STAG2: variants seen among roughly 807,000 people sequenced by gnomAD.
STAG2 encodes STAG2 cohesin complex component, also known as cohesin subunit SA-2.
STAG2 carries 14 observed loss-of-function variants against 108.1 expected under a neutral mutation model. The ratio of observed to expected loss-of-function variants is 0.13; its 90% confidence interval spans 0.09 to 0.20. The LOEUF (loss-of-function observed/expected upper bound fraction) is 0.20. STAG2 is among the 10% of genes least tolerant of loss of function. The pLI, the probability that STAG2 is intolerant of heterozygous loss-of-function variation, is 1.00. For missense variants in STAG2, 440 were observed against 940.9 expected, an observed-to-expected ratio of 0.47 and a Z score of 6.96; for synonymous variants, 307 against 302.7, an observed-to-expected ratio of 1.01 and a Z score of -0.15.
chrX:123,987,410 G>A (rs1303685831), intron 1 of STAG2, among the ~76,000 whole-genome samples: 5 of 110,720 alleles, frequency 4.5e-5, no homozygotes, highest in Non-Finnish European at 7.6e-5. Flanking sequence ...CACCATGCCC[G>A]GCTAATTTTG....
intron 1 of STAG2, among the ~76,000 whole-genome samples, chrX:123,991,750 C>A (rs1173789045): frequency 1.8e-5 from 2 of 110,725 alleles, no homozygotes; most frequent in African/African-American, 6.6e-5. Context: ...CCGCAACCTC[C>A]GCCTCCCGGG....
chrX:124,028,716 A>G (rs1171517992), intron 4 of STAG2, among the ~76,000 whole-genome samples: 1 of 106,840 alleles, frequency 9.4e-6, no homozygotes, highest in East Asian at 2.9e-4. Flanking sequence ...GTGGAAAGAA[A>G]TTTGTAGGCA....
chrX:124,068,542 G>A, intron 23 of STAG2, 22 bp from the exon 24 acceptor site: 1 of 1,093,220 alleles, frequency 9.1e-7, no homozygotes, highest in Non-Finnish European at 1.2e-6. Context: ...TTTTTTAAAA[G>A]TTAATGTTAA....
chrX:124,064,070 A>G lies in STAG2; in HGVS notation c.2025+19A>G, dbSNP rs1603087004. 6.1e-6 allele frequency: 7 copies of G among 1,153,186 alleles called. No individual in the cohort carries two copies. In the East Asian group the frequency reaches 1.8e-4, roughly 30 times the overall value. ...GCAAGAGGTATATATTATAACTATT[A>G]CAAGTATTTTGTCAGTTGAGCCCCT... On this transcript the variant is annotated intron_variant, in intron 20 of 34. Coordinates refer to ENST00000371145, the MANE Select transcript of STAG2 (RefSeq NM_001042750.2).
At chrX:124,040,979 G>C (rs1238461163) in intron 6 of STAG2, among the ~76,000 whole-genome samples, 1 of 102,920 alleles carries the variant, frequency 9.7e-6, no homozygotes, top group Non-Finnish European at 2.0e-5. Flanking sequence ...TCCTACCTCA[G>C]CCTCCCAAGT....
At chrX:124,051,812 G>A (rs575869860) in intron 13 of STAG2, among the ~76,000 whole-genome samples, 1 of 111,100 alleles carries the variant, frequency 9.0e-6, no homozygotes, top group Non-Finnish European at 1.9e-5. Flanking sequence ...GGATGGTCTC[G>A]ATCTCCTGAC....
intron 1 of STAG2, among the ~76,000 whole-genome samples, chrX:124,008,625 G>A (rs1322248259): frequency 8.9e-6 from 1 of 112,091 alleles, no homozygotes; most frequent in Non-Finnish European, 1.9e-5. Flanking sequence ...TTAGGGGCAT[G>A]AGCCACCATG....
At chrX:123,969,952 GTTTTTTTTT>G (rs749744551) in intron 1 of STAG2, among the ~76,000 whole-genome samples, 4 of 39,156 alleles carry the variant, frequency 1.0e-4, no homozygotes, top group East Asian at 8.9e-4. Flanking sequence ...CGGTCTTCCT[GTTTTTTTTT>G]TTTTTTTTTT....
chrX:124,088,615 CTTTT>C (rs35629422), intron 30 of STAG2, among the ~76,000 whole-genome samples: 1 of 82,284 alleles, frequency 1.2e-5, no homozygotes, highest in Non-Finnish European at 2.3e-5. Flanking sequence ...TATGTATAAT[CTTTT>C]TTTTTTTTTT....
chrX:123,961,529 G>C (rs2053854835), upstream of STAG2: 2 of 109,973 alleles, frequency 1.8e-5, no homozygotes, highest in Non-Finnish European at 3.8e-5. Flanking sequence ...GGGGAAGGCA[G>C]AGAGCAAAAT....
chrX:124,057,462 A>G (rs1373082167), intron 14 of STAG2, among the ~76,000 whole-genome samples: 2 of 112,158 alleles, frequency 1.8e-5, no homozygotes, highest in Non-Finnish European at 3.8e-5. Flanking sequence ...AGTTGGGGTA[A>G]TTTTGCCAGA....
intron 19 of STAG2, 98 bp downstream of exon 19, chrX:124,063,303 G>A (rs1322680248): frequency 2.9e-6 from 2 of 681,700 alleles, no homozygotes; most frequent in Non-Finnish European, 4.3e-6. Flanking sequence ...TTTTTGGAAC[G>A]TATTTTAAGA....
chrX:123,976,799 T>G (rs887032899), intron 1 of STAG2, among the ~76,000 whole-genome samples: 3 of 111,996 alleles, frequency 2.7e-5, no homozygotes, highest in Non-Finnish European at 5.6e-5. Context: ...ACTTAGCTAA[T>G]AAGTGGCCAA....
intron 1 of STAG2, among the ~76,000 whole-genome samples, chrX:123,985,237 T>G (rs2055110158): frequency 9.0e-6 from 1 of 111,197 alleles, no homozygotes; most frequent in Non-Finnish European, 1.9e-5. Context: ...AACCGTTTAT[T>G]CCTTTTTTTT....
chrX:124,068,069 A>T (rs1034097011), intron 23 of STAG2, among the ~76,000 whole-genome samples: 6 of 111,109 alleles, frequency 5.4e-5, no homozygotes, highest in Non-Finnish European at 7.6e-5. Flanking sequence ...AAAAAGTTTG[A>T]GATATTTTAA....
intron 6 of STAG2, among the ~76,000 whole-genome samples, chrX:124,038,825 A>G (rs1164077198): frequency 3.6e-5 from 4 of 112,020 alleles, no homozygotes; most frequent in Non-Finnish European, 7.5e-5. Context: ...AGTAGCTTTA[A>G]TTCAATATTA....
intron 1 of STAG2, among the ~76,000 whole-genome samples, chrX:123,984,761 C>T (rs1447814893): frequency 7.2e-5 from 8 of 110,778 alleles, no homozygotes; most frequent in Non-Finnish European, 1.5e-4. Flanking sequence ...CCTCAGCCTA[C>T]GGAGTAGTTG....
intron 30 of STAG2, 114 bp downstream of exon 30, chrX:124,086,884 GTGTT>G: frequency 3.2e-6 from 2 of 632,746 alleles, no homozygotes; most frequent in Non-Finnish European, 4.6e-6. Flanking sequence ...CTTACAAAAT[GTGTT>G]CATTATGTGT....
intron 1 of STAG2, among the ~76,000 whole-genome samples, chrX:123,990,771 A>G (rs1164681412): frequency 8.9e-6 from 1 of 111,986 alleles, no homozygotes; most frequent in Non-Finnish European, 1.9e-5. Flanking sequence ...TCAGTAGTTT[A>G]TCACGACATT....
Sources: gnomAD v4.1 joint callset for allele counts (sites outside exome capture counted in the v4.1 genomes callset) on GRCh38, gnomAD v4.1.1 for gene constraint, MANE v1.5 for transcripts, NCBI Gene and HGNC (gene_info 2026-07-23, HGNC 2026-07-21) for gene names.